The following KIAA1217 variants were observed in gnomAD, a reference collection of about 807,000 sequenced individuals.
The protein encoded by KIAA1217 is sickle tail protein homolog.
KIAA1217 carries 88 observed loss-of-function variants against 163.9 expected under a neutral mutation model. The ratio of observed to expected loss-of-function variants is 0.54; its 90% CI spans 0.45 to 0.64. The LOEUF (loss-of-function observed/expected upper bound fraction) is 0.64, where lower values mean the gene tolerates loss of function less well. Among genes scored for constraint, KIAA1217 ranks in the 30% least tolerant of loss-of-function variants. The probability of loss-of-function intolerance (pLI) is 0.00; values close to 1 mark genes in which losing one functional copy is unlikely to be tolerated. For synonymous variants in KIAA1217, 903 were observed against 923.1 expected, an observed-to-expected ratio of 0.98 and a Z score of 0.39; for missense variants, 2,372 against 2,475.0, an observed-to-expected ratio of 0.96 and a Z score of 0.88.
chr10:24,422,073 T>C (rs181586743), intron 3 of KIAA1217, among the ~76,000 whole-genome samples: 3 of 152,300 alleles, frequency 2.0e-5, no homozygotes, highest in Admixed American at 2.0e-4. Context: ...ACATCTTACA[T>C]GGTGGCAGGC....
At chr10:23,886,209 T>C (rs1841165010) in intron 1 of KIAA1217, among the ~76,000 whole-genome samples, 1 of 151,954 alleles carries the variant, frequency 6.6e-6, no homozygotes, top group Non-Finnish European at 1.5e-5. Context: ...CTTTTCTGAT[T>C]TCCAGTAGCC....
At chr10:24,299,073 A>C (rs570870080) in intron 2 of KIAA1217, among the ~76,000 whole-genome samples, 20 of 152,294 alleles carry the variant, frequency 1.3e-4, no homozygotes, top group African/African-American at 4.6e-4. Context: ...AGTTGCAAAA[A>C]ATGTTACAAA....
intron 6 of KIAA1217, among the ~76,000 whole-genome samples, chr10:24,487,683 C>A (rs2065354): frequency 0.48 from 72,560 of 152,034 alleles, 17,494 homozygotes; most frequent in South Asian, 0.55. Context: ...GTCTGTCTTC[C>A]TGCACTGTAA....
chr10:23,852,823 TG>T (rs1179281454), intron 1 of KIAA1217, among the ~76,000 whole-genome samples: 1 of 152,202 alleles, frequency 6.6e-6, no homozygotes, highest in Non-Finnish European at 1.5e-5. Flanking sequence ...GTTTGTCTGT[TG>T]CTGGTGTATA....
intron 1 of KIAA1217, among the ~76,000 whole-genome samples, chr10:23,824,136 G>A (rs905764373): frequency 1.3e-5 from 2 of 152,170 alleles, no homozygotes; most frequent in Non-Finnish European, 2.9e-5. Context: ...AGCCCAGCGT[G>A]TTGGTGCACA....
rs1592232331 is a variant in KIAA1217, at chr10:24,475,212, T to A, written c.1679+1152T>A. ...CCAGCCTGGGGGACAAGAGCAAGAC[T>A]TCATCTCAAAAGAAAAAAGAAAAAT... On this transcript the variant is annotated intron_variant, in intron 6 of 20. Coordinates refer to ENST00000376454, the MANE Select transcript of KIAA1217 (RefSeq NM_019590.5). Among the ~76,000 whole-genome samples the A allele has an allele frequency of 2.0e-5, 3 of 152,270 alleles. No homozygotes were observed. In the South Asian group the frequency reaches 6.2e-4, roughly 32 times the overall value.
At chr10:24,284,008 C>T (rs1381356288) in intron 2 of KIAA1217, among the ~76,000 whole-genome samples, 2 of 151,862 alleles carry the variant, frequency 1.3e-5, no homozygotes, top group Non-Finnish European at 2.9e-5. Flanking sequence ...CTCCTGGGTT[C>T]AAGCAATTCT....
At chr10:24,060,660 G>A (rs1402569139) in intron 2 of KIAA1217, among the ~76,000 whole-genome samples, 1 of 152,056 alleles carries the variant, frequency 6.6e-6, no homozygotes, top group Non-Finnish European at 1.5e-5. Flanking sequence ...GATGTGCGTG[G>A]TGACACAAGC....
chr10:23,896,069 C>T (rs1841681899), intron 1 of KIAA1217, among the ~76,000 whole-genome samples: 3 of 151,384 alleles, frequency 2.0e-5, no homozygotes, highest in Admixed American at 1.3e-4. Context: ...GTGCAGCACA[C>T]CAGCATGGCA....
At chr10:23,970,021 C>G (rs780946055) in intron 1 of KIAA1217, among the ~76,000 whole-genome samples, 15 of 152,144 alleles carry the variant, frequency 9.9e-5, no homozygotes, top group Non-Finnish European at 1.9e-4. Flanking sequence ...ACCATGAGAA[C>G]AGTATGGGGG....
intron 2 of KIAA1217, among the ~76,000 whole-genome samples, chr10:24,187,890 CA>C (rs1027670888): frequency 2.6e-4 from 37 of 142,054 alleles, no homozygotes; most frequent in Admixed American, 2.8e-4. Flanking sequence ...AACTCCATCT[CA>C]AAAAAAAAAA....
At chr10:24,135,631 A>G (rs1177559922) in intron 2 of KIAA1217, among the ~76,000 whole-genome samples, 1 of 152,258 alleles carries the variant, frequency 6.6e-6, no homozygotes, top group African/African-American at 2.4e-5. Flanking sequence ...ATATCGGTCC[A>G]TGCAGCGTGG....
intron 1 of KIAA1217, among the ~76,000 whole-genome samples, chr10:23,787,052 T>A (rs2130914673): frequency 6.6e-6 from 1 of 152,128 alleles, no homozygotes; most frequent in Admixed American, 6.5e-5. Flanking sequence ...AAATTTAAAA[T>A]CTATCTTTGA....
intron 1 of KIAA1217, among the ~76,000 whole-genome samples, chr10:23,856,012 G>C (rs535021811): frequency 1.3e-5 from 2 of 152,286 alleles, no homozygotes; most frequent in South Asian, 2.1e-4. Flanking sequence ...CTCTCAACTC[G>C]TGAAAGTCAT....
chr10:23,833,335 C>T (rs1838298682), intron 1 of KIAA1217, among the ~76,000 whole-genome samples: 1 of 152,014 alleles, frequency 6.6e-6, no homozygotes, highest in Non-Finnish European at 1.5e-5. Context: ...CAGCCTCAGT[C>T]AGCAGAGTGT....
At chr10:24,422,085 AAG>A (rs2058777769) in intron 3 of KIAA1217, among the ~76,000 whole-genome samples, 1 of 152,168 alleles carries the variant, frequency 6.6e-6, no homozygotes, top group Admixed American at 6.5e-5. Context: ...GTGGCAGGCA[AAG>A]AGAGAGCTTG....
chr10:24,390,838 A>G (rs1362988454), intron 3 of KIAA1217, among the ~76,000 whole-genome samples: 1 of 152,330 alleles, frequency 6.6e-6, no homozygotes, highest in East Asian at 1.9e-4. Context: ...TCCTTTATCA[A>G]CTAGGATTTT....
At chr10:24,201,132 G>A (rs1036238305) in intron 2 of KIAA1217, among the ~76,000 whole-genome samples, 10 of 152,114 alleles carry the variant, frequency 6.6e-5, no homozygotes, top group East Asian at 5.8e-4. Context: ...TTAGCCAGAC[G>A]TGGCGGCACG....
chr10:24,019,903 A>G (rs1370980082), intron 2 of KIAA1217, among the ~76,000 whole-genome samples: 1 of 152,030 alleles, frequency 6.6e-6, no homozygotes, highest in East Asian at 1.9e-4. Flanking sequence ...GGAATAAGTA[A>G]AATAAATGAT....
Sources: gnomAD v4.1 joint callset for allele counts (sites outside exome capture counted in the v4.1 genomes callset) on GRCh38, gnomAD v4.1.1 for gene constraint, MANE v1.5 for transcripts, NCBI Gene and HGNC (gene_info 2026-07-23, HGNC 2026-07-21) for gene names.